The following GABPB2 variants were observed in gnomAD, a reference collection of about 807,000 sequenced individuals.
The protein encoded by GABPB2 is GA-binding protein subunit beta-2.
In GABPB2, 23 loss-of-function variants were observed where a neutral mutation model predicts 39.1. That is an observed-to-expected ratio of 0.59 (90% CI 0.42 to 0.83). GABPB2 has a LOEUF of 0.83. Among genes scored for constraint, GABPB2 ranks in the 40% least tolerant of loss-of-function variants. The pLI is 0.00. For missense variants in GABPB2, 467 were observed against 541.1 expected (o/e 0.86, Z 1.36); for synonymous variants, 184 against 199.3 (o/e 0.92, Z 0.65).
intron 7 of GABPB2, among the ~76,000 whole-genome samples, chr1:151,108,180 G>A (rs1004179094): frequency 2.0e-5 from 3 of 151,960 alleles, no homozygotes; most frequent in African/African-American, 7.3e-5. Flanking sequence ...TTGTTTGCTT[G>A]TTTGTTTGAG....
chr1:151,124,617 G>C lies in GABPB2; in HGVS notation c.*6361G>C, dbSNP rs1383465914. 3 of 151,982 alleles carry C rather than the reference G, an allele frequency of 2.0e-5. No homozygotes were observed. The highest frequency in any genetic ancestry group is 2.0e-4 in the Admixed American group (3 of 15,242). 9.4% of individuals were successfully genotyped at this position (151,982 alleles called of 1,614,324 possible). On this transcript the variant is annotated 3_prime_UTR_variant, in exon 9 of 9. Coordinates refer to ENST00000368918, the MANE Select transcript of GABPB2 (RefSeq NM_144618.3). ...AATCAGTTTTTGTCCTAATTTATTA[G>C]AGAAGGCTTCCTCTTCTCTACTCCT... is the stretch of plus-strand genomic sequence containing the variant.
chr1:151,110,651 A>C (rs1266863101), intron 7 of GABPB2, among the ~76,000 whole-genome samples: 1 of 152,156 alleles, frequency 6.6e-6, no homozygotes, highest in East Asian at 1.9e-4. Context: ...CGTAGAGACA[A>C]GGTCTTCCTA....
At chr1:151,083,582 C>T (rs116666233) in intron 1 of GABPB2, among the ~76,000 whole-genome samples, 13,700 of 151,522 alleles carry the variant, frequency 0.09, 789 homozygotes, top group African/African-American at 0.16. Flanking sequence ...GGCAGTAAGC[C>T]GTCATCTCGC....
intron 1 of GABPB2, among the ~76,000 whole-genome samples, chr1:151,080,650 C>G (rs1677601527): frequency 1.3e-5 from 2 of 150,938 alleles, no homozygotes; most frequent in African/African-American, 4.8e-5. Context: ...GAGTTCAAGA[C>G]CAGCCTGGCC....
chr1:151,104,814 C>CTTTCTTTCTTTCTTT (rs1402126253), intron 6 of GABPB2, among the ~76,000 whole-genome samples: 1 of 36,316 alleles, frequency 2.8e-5, no homozygotes, highest in East Asian at 2.6e-3. Context: ...TTCTTTCTTT[C>CTTTCTTTCTTTCTTT]CTTTCTTTCT....
Position 151,088,253 on chromosome 1 carries a change from G to A in GABPB2, c.64G>A (p.Val22Met), listed in dbSNP as rs1178857970. 8 of 1,613,426 alleles carry A rather than the reference G, an allele frequency of 5.0e-6. No homozygotes were observed. The highest frequency in any genetic ancestry group is 5.9e-6 in the Non-Finnish European group (7 of 1,179,414). Residue 22 changes from valine to methionine, a missense_variant, in exon 2 of 9, where the codon GTG (valine) becomes ATG (methionine). Physicochemically the swap from Val to Met is conservative, Grantham distance 21. Transcript: ENST00000368918. ...EAARKGQDDE[V>M]RTLMANGAPF... ...AGCAAGAAAAGGCCAAGATGATGAA[G>A]TGAGAACGTTGATGGCAAATGGCGC... is the stretch of plus-strand genomic sequence containing the variant.
At chr1:151,090,146 G>C (rs1678549330) in intron 2 of GABPB2, among the ~76,000 whole-genome samples, 2 of 152,082 alleles carry the variant, frequency 1.3e-5, no homozygotes, top group Non-Finnish European at 2.9e-5. Context: ...GTTTCACCAT[G>C]TTGGCCAGAA....
intron 1 of GABPB2, among the ~76,000 whole-genome samples, chr1:151,080,437 G>C (rs1423873557): frequency 6.6e-6 from 1 of 151,042 alleles, no homozygotes; most frequent in Non-Finnish European, 1.5e-5. Context: ...CTTCAACCCA[G>C]GAGGCAGAGG....
chr1:151,085,102 TAATAA>T (rs1054573550), intron 1 of GABPB2, among the ~76,000 whole-genome samples: 5 of 149,144 alleles, frequency 3.4e-5, no homozygotes, highest in African/African-American at 7.4e-5. Context: ...GTCTCAAAAA[TAATAA>T]AATAAAATGG....
At chr1:151,101,895 G>A (rs1179449302) in intron 5 of GABPB2, among the ~76,000 whole-genome samples, 2 of 152,180 alleles carry the variant, frequency 1.3e-5, no homozygotes, top group Non-Finnish European at 2.9e-5. Flanking sequence ...AATATCTACA[G>A]TTAGAGTAAT....
At position 151,122,911 on chromosome 1, in the gene GABPB2, G is replaced by A. The variant is rs758967678; in HGVS notation, c.*4655G>A. On this transcript the variant is annotated 3_prime_UTR_variant, in exon 9 of 9. Coordinates refer to ENST00000368918, the MANE Select transcript of GABPB2 (RefSeq NM_144618.3). ...GCATTGATTTTTATTTACTCGGAAC[G>A]GTCCTCTTGGCATCCCAGATAAGGG... 4 of 152,076 alleles carry A rather than the reference G, an allele frequency of 2.6e-5. No homozygotes were observed. Among genetic ancestry groups the A allele is most frequent in the East Asian group, 3.9e-4 (2 of 5,174 alleles). 9.4% of individuals were successfully genotyped at this position (152,076 alleles called of 1,614,324 possible).
Position 151,088,225 on chromosome 1 carries a change from A to G in GABPB2, c.36A>G (p.Glu12=). The G allele has an allele frequency of 6.2e-7, 1 of 1,614,136 alleles. No individual in the cohort carries two copies. Among genetic ancestry groups the G allele is most frequent in the Non-Finnish European group, 8.5e-7 (1 of 1,180,000 alleles). Residue 12 remains glutamate, a synonymous_variant, in exon 2 of 9, where the codon GAA becomes GAG. Transcript: ENST00000368918. ...TGGACTTGGGAAAGAGGTTGCTAGA[A>G]GCAGCAAGAAAAGGCCAAGATGATG... ...SLVDLGKRLL[E]AARKGQDDEV...
intron 1 of GABPB2, among the ~76,000 whole-genome samples, chr1:151,085,616 T>C (rs1480297172): frequency 6.6e-6 from 1 of 151,814 alleles, no homozygotes; most frequent in Non-Finnish European, 1.5e-5. Context: ...AATATATATA[T>C]ATATATTTTG....
intron 7 of GABPB2, among the ~76,000 whole-genome samples, chr1:151,116,354 T>C (rs1245505805): frequency 7.0e-6 from 1 of 143,432 alleles, no homozygotes; most frequent in Non-Finnish European, 1.5e-5. Context: ...ACTCCAGAGA[T>C]CACGCCATTG....
At chr1:151,098,276 G>T (rs1358956867) in intron 5 of GABPB2, among the ~76,000 whole-genome samples, 1 of 152,124 alleles carries the variant, frequency 6.6e-6, no homozygotes, top group East Asian at 1.9e-4. Flanking sequence ...TGCTTTGGGA[G>T]GCCAAGGTGG....
intron 1 of GABPB2, among the ~76,000 whole-genome samples, chr1:151,077,966 T>A (rs1237787841): frequency 7.2e-6 from 1 of 138,436 alleles, no homozygotes; most frequent in South Asian, 2.3e-4. Context: ...AATAATAATT[T>A]TCTTTAGAAT....
chr1:151,111,051 G>A (rs587679254), intron 7 of GABPB2, among the ~76,000 whole-genome samples: 12 of 152,150 alleles, frequency 7.9e-5, no homozygotes, highest in East Asian at 5.8e-4. Flanking sequence ...AGGCTGAGGC[G>A]GGAGGAGCGC....
At chr1:151,085,869 G>T (rs376544862) in intron 1 of GABPB2, among the ~76,000 whole-genome samples, 1 of 152,152 alleles carries the variant, frequency 6.6e-6, no homozygotes, top group Admixed American at 6.6e-5. Context: ...GCTCATGCCT[G>T]TAATCCCAAC....
At chr1:151,113,113 A>G (rs988756534) in intron 7 of GABPB2, among the ~76,000 whole-genome samples, 8 of 151,684 alleles carry the variant, frequency 5.3e-5, no homozygotes, top group Non-Finnish European at 8.8e-5. Flanking sequence ...AGGTCTTGCT[A>G]AGCTTCCCAG....
Sources: allele counts gnomAD v4.1 joint callset (sites outside exome capture counted in the v4.1 genomes callset), GRCh38; gene constraint gnomAD v4.1.1; transcripts MANE v1.5; gene names NCBI Gene and HGNC (gene_info 2026-07-23, HGNC 2026-07-21).